The following ARVCF variants were observed in gnomAD, a reference collection of about 807,000 sequenced individuals.
ARVCF encodes ARVCF delta catenin family member.
Under a neutral mutation model 90.9 loss-of-function variants are expected in ARVCF, and 66 were observed. The observed-to-expected ratio is 0.73, with a 90% CI of 0.60 to 0.89. ARVCF has a LOEUF of 0.89. Among genes scored for constraint, ARVCF ranks in the 40% least tolerant of loss-of-function variants. ARVCF has a pLI of 0.00. For missense variants in ARVCF, 1,469 were observed against 1,382.3 expected (o/e 1.06, Z -1.00); for synonymous variants, 653 against 603.4 (o/e 1.08, Z -1.21).
At chr22:19,992,522 G>A (rs1310721517) in intron 2 of ARVCF, among the ~76,000 whole-genome samples, 7 of 152,160 alleles carry the variant, frequency 4.6e-5, no homozygotes, top group Non-Finnish European at 8.8e-5. Context: ...TGCTAGGCCC[G>A]AGGTGGGAAT....
At chr22:20,005,654 C>T (rs779507589) in intron 2 of ARVCF, among the ~76,000 whole-genome samples, 44 of 152,128 alleles carry the variant, frequency 2.9e-4, no homozygotes, top group Admixed American at 6.5e-4. Flanking sequence ...CCCGTCTCTA[C>T]TAAAAACACA....
rs200420037 is a variant in ARVCF at position 19,984,195 on chromosome 22, C to CA, written c.211-2105dup. On this transcript the variant is annotated intron_variant, in intron 3 of 19. Coordinates refer to ENST00000263207, the MANE Select transcript of ARVCF (RefSeq NM_001670.3). Reference sequence around the variant, plus strand: ...TATATATTTACATCTATTAAAAACTCAGAGAAAAACCCCCTCTTCCCTAGC... The same window carrying CA: ...TATATATTTACATCTATTAAAAACTCAAGAGAAAAACCCCCTCTTCCCTAGC... 5.3e-3 allele frequency among the ~76,000 whole-genome samples: 809 copies of CA among 152,256 alleles called. 8 individuals carry two copies. Among genetic ancestry groups the CA allele is most frequent in the African/African-American group, 0.018 (739 of 41,532 alleles).
chr22:19,997,303 G>A (rs1944289882), intron 2 of ARVCF, among the ~76,000 whole-genome samples: 1 of 152,212 alleles, frequency 6.6e-6, no homozygotes, highest in Admixed American at 6.5e-5. Flanking sequence ...GAGTGTCCCA[G>A]CAACTGTCCC....
chr22:19,977,454 G>A lies in ARVCF; in HGVS notation c.1831C>T (p.Arg611Trp), dbSNP rs757025809. 15 of 1,559,606 alleles carry A rather than the reference G, an allele frequency of 9.6e-6. No individual in the cohort carries two copies. Among genetic ancestry groups the A allele is most frequent in the South Asian group, 2.4e-5 (2 of 84,450 alleles). ...CCTCCAAAGCAGCTGGCATCATCCC[G>A]CCTCCGGCGCTGGGAGCCTACAGCA... ...GSAVGSQRRRRDDASCFGGKK... is the reference protein window; with the variant it reads ...GSAVGSQRRRWDDASCFGGKK... The change falls in exon 9 of 20, where the codon CGG (arginine) becomes TGG (tryptophan). Residue 611 changes from arginine (R) to tryptophan (W), a missense_variant. Physicochemically the swap from Arg to Trp is moderately radical, Grantham distance 101. Coordinates refer to ENST00000263207, the MANE Select transcript of ARVCF (RefSeq NM_001670.3).
chr22:19,987,280 C>T (rs954545569), intron 3 of ARVCF: 1 of 140,332 alleles, frequency 7.1e-6, no homozygotes, highest in African/African-American at 2.7e-5. Context: ...GTGGCGGGGG[C>T]CGGGGTGGGC....
At chr22:19,983,984 A>G (rs1366147468) in intron 3 of ARVCF, among the ~76,000 whole-genome samples, 3 of 152,160 alleles carry the variant, frequency 2.0e-5, no homozygotes, top group African/African-American at 7.2e-5. Context: ...CCCCATCTGT[A>G]TCTGGCAAAT....
At chr22:19,990,906 T>A in intron 2 of ARVCF, 94 bp from the exon 3 acceptor site, 1 of 1,252,938 alleles carries the variant, frequency 8.0e-7, no homozygotes, top group Non-Finnish European at 1.1e-6. Context: ...ACCATACAAC[T>A]CACTCCCAGA....
At chr22:19,981,167 G>A (rs1943470650) in intron 5 of ARVCF, 44 bp downstream of exon 5, 5 of 1,469,650 alleles carry the variant, frequency 3.4e-6, no homozygotes, top group Non-Finnish European at 4.5e-6. Context: ...GTGGAGGGCA[G>A]ACTTCCCAGA....
chr22:20,008,775 G>A lies in ARVCF; in HGVS notation c.-19+1680C>T, dbSNP rs550624376. ...ACAAATGCCATCACCCATCGCACCA[G>A]TGCCCAGGGCAGACATGAAAAACCA... is the stretch of plus-strand genomic sequence containing the variant. On this transcript the variant is annotated intron_variant, in intron 2 of 19. Coordinates refer to ENST00000263207, the MANE Select transcript of ARVCF (RefSeq NM_001670.3). Among the ~76,000 whole-genome samples the A allele has an allele frequency of 2.0e-5, 3 of 152,340 alleles. No individual in the cohort carries two copies. The South Asian group carries it at 6.2e-4, about 32-fold the overall frequency.
intron 2 of ARVCF, among the ~76,000 whole-genome samples, chr22:19,997,599 A>G (rs1381790935): frequency 6.6e-6 from 1 of 152,174 alleles, no homozygotes; most frequent in Non-Finnish European, 1.5e-5. Context: ...GCAGACTCCA[A>G]GCCGTGGAGT....
At chr22:20,010,696 A>G (rs1213374852) in intron 1 of ARVCF, among the ~76,000 whole-genome samples, 188 bp from the exon 2 acceptor site, 1 of 152,170 alleles carries the variant, frequency 6.6e-6, no homozygotes, top group Non-Finnish European at 1.5e-5. Flanking sequence ...CATGTCCAGG[A>G]CTGTAGGTGA....
intron 3 of ARVCF, among the ~76,000 whole-genome samples, chr22:19,985,162 C>T (rs558339361): frequency 1.3e-5 from 2 of 152,188 alleles, no homozygotes; most frequent in Admixed American, 1.3e-4. Flanking sequence ...CCTGAACACC[C>T]CACCTCCAGC....
At chr22:19,982,542 T>C (rs144857263) in intron 3 of ARVCF, among the ~76,000 whole-genome samples, 1 of 152,304 alleles carries the variant, frequency 6.6e-6, no homozygotes, top group African/African-American at 2.4e-5. Flanking sequence ...CATGGTGTCC[T>C]GGGGCCTCCT....
At position 19,970,588 on chromosome 22, in the gene ARVCF, G is replaced by T; in HGVS notation, c.*168C>A. On this transcript the variant is annotated 3_prime_UTR_variant, in exon 20 of 20. Coordinates refer to ENST00000263207, the MANE Select transcript of ARVCF (RefSeq NM_001670.3). Reference sequence around the variant, plus strand: ...TTAGGTAGGATGGGGGGAGTGGGGTGGGGGGGCAGGAGGGTGTCCCCAAAG... The same window carrying T: ...TTAGGTAGGATGGGGGGAGTGGGGTTGGGGGGCAGGAGGGTGTCCCCAAAG... The T allele has an allele frequency of 5.7e-6, 7 of 1,236,988 alleles. No individual in the cohort carries two copies. Among genetic ancestry groups the T allele is most frequent in the Admixed American group, 2.6e-5 (1 of 37,818 alleles). 76.6% of individuals were successfully genotyped at this position (1,236,988 alleles called of 1,614,324 possible). A position where few individuals can be genotyped will look rare whatever the true frequency, so the allele number is the denominator to read the frequency against.
At position 19,971,980 on chromosome 22, in the gene ARVCF, G is replaced by A. The variant is rs200903789; in HGVS notation, c.2696-9C>T. ...CACCGTGGAGTATCCGTCTGTAGAT[G>A]GGGTAAGGTGGGGCATGAGGGGCGC... On this transcript the variant is annotated splice_polypyrimidine_tract_variant and intron_variant, in intron 17 of 19. Coordinates refer to ENST00000263207, the MANE Select transcript of ARVCF (RefSeq NM_001670.3). 657 of 1,602,068 alleles carry A rather than the reference G, an allele frequency of 4.1e-4. 5 individuals carry two copies. The highest frequency in any genetic ancestry group is 3.6e-5 in the Non-Finnish European group (42 of 1,174,090).
intron 2 of ARVCF, among the ~76,000 whole-genome samples, chr22:20,000,842 C>T (rs190064380): frequency 1.1e-4 from 17 of 152,286 alleles, no homozygotes; most frequent in Admixed American, 3.9e-4. Context: ...TCACCAGACA[C>T]GGAATCTGCT....
chr22:19,979,521 G>C (rs72556511), intron 6 of ARVCF: 1 of 691,044 alleles, frequency 1.4e-6, no homozygotes, highest in Non-Finnish European at 2.3e-6. Flanking sequence ...GGACATGCCC[G>C]AGGGGCGCAG....
At chr22:19,986,245 C>A (rs1483181731) in intron 3 of ARVCF, among the ~76,000 whole-genome samples, 2 of 152,214 alleles carry the variant, frequency 1.3e-5, no homozygotes, top group Non-Finnish European at 1.5e-5. Flanking sequence ...GAGGGCCAGA[C>A]CCTGGGGGCC....
downstream of ARVCF, chr22:19,967,318 GC>G: frequency 1.2e-6 from 1 of 818,032 alleles, no homozygotes; most frequent in Non-Finnish European, 1.8e-6. Flanking sequence ...CAGCCGCCCT[GC>G]TCAAGGCCTA....
Sources: allele counts gnomAD v4.1 joint callset (sites outside exome capture counted in the v4.1 genomes callset), GRCh38; gene constraint gnomAD v4.1.1; transcripts MANE v1.5; gene names NCBI Gene and HGNC (gene_info 2026-07-23, HGNC 2026-07-21).